RCAN2: variants seen among roughly 807,000 people sequenced by gnomAD.
RCAN2 encodes calcipressin-2.
A neutral mutation model predicts 23.6 loss-of-function variants in RCAN2; 9 were observed. That is an observed-to-expected ratio of 0.38 (90% CI 0.23 to 0.67). The LOEUF is 0.67. RCAN2 is among the 30% of genes least tolerant of loss of function. The pLI is 0.51. For synonymous variants in RCAN2, 109 were observed against 115.7 expected (o/e 0.94, Z 0.37); for missense variants, 273 against 302.3 (o/e 0.90, Z 0.72).
chr6:46,416,268 T>C (rs558554884), intron 2 of RCAN2, among the ~76,000 whole-genome samples: 1 of 151,066 alleles, frequency 6.6e-6, no homozygotes, highest in Non-Finnish European at 1.5e-5. Flanking sequence ...AGTTGACCAC[T>C]TAAGGCACCA....
intron 2 of RCAN2, among the ~76,000 whole-genome samples, chr6:46,373,695 C>G (rs189793349): frequency 9.9e-4 from 150 of 152,240 alleles, no homozygotes; most frequent in Non-Finnish European, 1.9e-3. Context: ...AAGACACAAA[C>G]AAGGGAGATA....
chr6:46,340,360 G>T (rs376650265), intron 2 of RCAN2, among the ~76,000 whole-genome samples: 18 of 152,164 alleles, frequency 1.2e-4, no homozygotes, highest in East Asian at 9.6e-4. Flanking sequence ...TCCACCCAAG[G>T]TTTGTGCTCC....
rs73454574 is a variant in RCAN2, at chr6:46,257,666, C to T, written c.226-8770G>A. ...TGATCCAATCACTTCCCTCACTAGA[C>T]GGGTGGGGATTATAGGTCCCTCCCT... is the stretch of plus-strand genomic sequence containing the variant. On this transcript the variant is annotated intron_variant, in intron 2 of 4. Transcript: ENST00000371374. 2.5e-3 allele frequency among the ~76,000 whole-genome samples: 386 copies of T among 152,164 alleles called. 3 individuals are homozygous for T. Among genetic ancestry groups the T allele is most frequent in the African/African-American group, 8.9e-3 (371 of 41,508 alleles).
intron 2 of RCAN2, among the ~76,000 whole-genome samples, chr6:46,405,764 C>T (rs181654456): frequency 3.5e-4 from 53 of 152,326 alleles, no homozygotes; most frequent in African/African-American, 1.1e-3. Context: ...ACCGTGCGCT[C>T]GCACTCCTCA....
intron 2 of RCAN2, among the ~76,000 whole-genome samples, chr6:46,414,774 G>A (rs1582183010): frequency 6.6e-6 from 1 of 152,182 alleles, no homozygotes; most frequent in Non-Finnish European, 1.5e-5. Context: ...ACAATCTCAT[G>A]AGCCAATTCC....
intron 2 of RCAN2, among the ~76,000 whole-genome samples, chr6:46,360,699 G>A (rs990802583): frequency 1.3e-5 from 2 of 152,142 alleles, no homozygotes; most frequent in Non-Finnish European, 2.9e-5. Flanking sequence ...AAGTGGATAC[G>A]TTCTGCTTTT....
chr6:46,323,221 C>T (rs767827990), intron 2 of RCAN2, among the ~76,000 whole-genome samples: 8 of 151,972 alleles, frequency 5.3e-5, no homozygotes, highest in Non-Finnish European at 1.2e-4. Flanking sequence ...ACAATGATGA[C>T]GATGGTGATA....
chr6:46,231,565 G>A lies in RCAN2; in HGVS notation c.572-8264C>T, dbSNP rs541482849. Among the ~76,000 whole-genome samples, 10 of 151,984 alleles carry A rather than the reference G, an allele frequency of 6.6e-5. No homozygotes were observed. The East Asian group carries it at 9.7e-4, about 15-fold the overall frequency. On this transcript the variant is annotated intron_variant, in intron 4 of 4. Coordinates refer to ENST00000371374, the MANE Select transcript of RCAN2 (RefSeq NM_001251974.2). ...GCTGGGATTACAGGTGCACGCCACC[G>A]TGCCTGGCTAATTTTTGTATTTTTA... is the stretch of plus-strand genomic sequence containing the variant.
chr6:46,462,020 C>T (rs1219230178), intron 1 of RCAN2, among the ~76,000 whole-genome samples: 1 of 152,212 alleles, frequency 6.6e-6, no homozygotes, highest in African/African-American at 2.4e-5. Flanking sequence ...TATTGTTAGG[C>T]TTATCAAGAG....
At chr6:46,442,745 A>C (rs1392027890) in intron 2 of RCAN2, among the ~76,000 whole-genome samples, 1 of 152,232 alleles carries the variant, frequency 6.6e-6, no homozygotes, top group Non-Finnish European at 1.5e-5. Context: ...TCTATCCATC[A>C]GGTTTAATTC....
chr6:46,303,862 G>A (rs1009998737), intron 2 of RCAN2, among the ~76,000 whole-genome samples: 2 of 152,026 alleles, frequency 1.3e-5, no homozygotes, highest in Non-Finnish European at 2.9e-5. Flanking sequence ...TTTTGGTATG[G>A]ACATTTGGAT....
chr6:46,282,356 T>C (rs1197034070), intron 2 of RCAN2, among the ~76,000 whole-genome samples: 1 of 148,568 alleles, frequency 6.7e-6, no homozygotes, highest in Middle Eastern at 3.2e-3. Context: ...CCATCCTGGC[T>C]AACACGGTGA....
Position 46,355,104 on chromosome 6 carries a change from G to A in RCAN2, c.225+101648C>T, listed in dbSNP as rs553701643. Among the ~76,000 whole-genome samples, 13 of 152,254 alleles carry A rather than the reference G, an allele frequency of 8.5e-5. No individual in the cohort carries two copies. In the East Asian group the frequency reaches 1.9e-3, roughly 23 times the overall value. On this transcript the variant is annotated intron_variant, in intron 2 of 4. Transcript: ENST00000371374. ...TCAATCACTCAACCTGTTCATACTT[G>A]TGACTGGTAGAACTGGCATGGTAAT... is the stretch of plus-strand genomic sequence containing the variant.
intron 2 of RCAN2, among the ~76,000 whole-genome samples, chr6:46,426,548 T>C (rs574433912): frequency 2.0e-5 from 3 of 152,216 alleles, no homozygotes; most frequent in Non-Finnish European, 4.4e-5. Context: ...TCCATAGATA[T>C]TTTTGAATGA....
At chr6:46,297,559 C>T (rs1266253256) in intron 2 of RCAN2, among the ~76,000 whole-genome samples, 3 of 152,014 alleles carry the variant, frequency 2.0e-5, no homozygotes, top group Non-Finnish European at 4.4e-5. Flanking sequence ...TTAAGAAGAG[C>T]CAGGATTTCC....
At chr6:46,249,211 T>C (rs754204400) in intron 2 of RCAN2, among the ~76,000 whole-genome samples, 2 of 151,948 alleles carry the variant, frequency 1.3e-5, no homozygotes, top group Non-Finnish European at 2.9e-5. Flanking sequence ...CATTAGATTC[T>C]CAAAGAAGTT....
intron 2 of RCAN2, among the ~76,000 whole-genome samples, chr6:46,266,721 T>C (rs2150330268): frequency 6.6e-6 from 1 of 152,172 alleles, no homozygotes; most frequent in African/African-American, 2.4e-5. Flanking sequence ...TCCCACAGGG[T>C]CCCAGTGATC....
intron 2 of RCAN2, chr6:46,438,705 C>T (rs9349360): frequency 0.4 from 60,945 of 152,006 alleles, 13,491 homozygotes; most frequent in East Asian, 0.6. Flanking sequence ...ATGCCCTGAG[C>T]GCCTATAATA....
At chr6:46,332,595 T>C (rs1482093015) in intron 2 of RCAN2, among the ~76,000 whole-genome samples, 2 of 152,020 alleles carry the variant, frequency 1.3e-5, no homozygotes, top group Non-Finnish European at 2.9e-5. Flanking sequence ...TTACTGAGAA[T>C]GATGATTTCC....
Sources: allele counts gnomAD v4.1 joint callset (sites outside exome capture counted in the v4.1 genomes callset), GRCh38; gene constraint gnomAD v4.1.1; transcripts MANE v1.5; gene names NCBI Gene and HGNC (gene_info 2026-07-23, HGNC 2026-07-21).